Variants in SV2C observed in about 807,000 individuals in gnomAD.
The protein encoded by SV2C is synaptic vesicle glycoprotein 2C.
A neutral mutation model predicts 79.7 loss-of-function variants in SV2C; 49 were observed. The observed-to-expected ratio is 0.61, with a 90% confidence interval of 0.49 to 0.78. The LOEUF (loss-of-function observed/expected upper bound fraction) is 0.78. SV2C is among the 30% of genes least tolerant of loss of function. SV2C has a pLI of 0.00. For synonymous variants in SV2C, 334 were observed against 333.2 expected (o/e 1.00, Z -0.03); for missense variants, 833 against 912.9 (o/e 0.91, Z 1.13).
In SV2C at chr5:76,330,912, A is replaced by T. The variant is rs1369354882; in HGVS notation, c.*5365A>T. ...CGCTCTATTACTTAGGCCGGAGTGC[A>T]GTGGTGCAATCTCGGCTCAATGCAA... On this transcript the variant is annotated 3_prime_UTR_variant, in exon 13 of 13. Transcript: ENST00000502798. The T allele has an allele frequency of 1.3e-5, 2 of 150,530 alleles. No individual in the cohort carries two copies. The highest frequency in any genetic ancestry group is 2.9e-5 in the Non-Finnish European group (2 of 67,918). 9.3% of individuals were successfully genotyped at this position (150,530 alleles called of 1,614,324 possible). A position where few individuals can be genotyped will look rare whatever the true frequency, so the allele number is the denominator to read the frequency against.
the SV2C span, among the ~76,000 whole-genome samples, chr5:75,960,992 G>C: frequency 6.6e-6 from 1 of 151,884 alleles, no homozygotes; most frequent in African/African-American, 2.4e-5. Flanking sequence ...TATGTCTCTT[G>C]GAAGGCCCAC....
In SV2C at chr5:76,296,967, C is replaced by A. The variant is rs192401161; in HGVS notation, c.1502+1025C>A. 5.0e-3 allele frequency among the ~76,000 whole-genome samples: 732 copies of A among 146,504 alleles called. 8 individuals carry two copies. Among genetic ancestry groups the A allele is most frequent in the African/African-American group, 0.019 (704 of 37,618 alleles). ...GTCCTCTGTGATGCCAGGGTGAAAA[C>A]TGACTTTCAAAAGTATTGTTACTCC... On this transcript the variant is annotated intron_variant, in intron 9 of 12. Coordinates refer to ENST00000502798, the MANE Select transcript of SV2C (RefSeq NM_014979.4).
At chr5:75,939,331 C>G in the SV2C span, among the ~76,000 whole-genome samples, 2 of 151,976 alleles carry the variant, frequency 1.3e-5, no homozygotes, top group South Asian at 4.1e-4. Context: ...GTGTAGAGGG[C>G]CACTTTCTTT....
chr5:76,064,658 C>T, the SV2C span, among the ~76,000 whole-genome samples: 1 of 152,052 alleles, frequency 6.6e-6, no homozygotes, highest in African/African-American at 2.4e-5. Flanking sequence ...AGGAAGGGCC[C>T]CATCGTTTTC....
the SV2C span, among the ~76,000 whole-genome samples, chr5:76,013,119 G>A: frequency 1.9e-3 from 294 of 152,222 alleles, 2 homozygotes; most frequent in African/African-American, 6.5e-3. Context: ...GAAATGTAAC[G>A]TAGATTTTTC....
chr5:76,307,971 C>T (rs1193261688), intron 12 of SV2C, among the ~76,000 whole-genome samples: 1 of 152,166 alleles, frequency 6.6e-6, no homozygotes, highest in Non-Finnish European at 1.5e-5. Context: ...CTTATTATGG[C>T]TGCTTTAAAA....
chr5:75,947,973 C>T, the SV2C span, among the ~76,000 whole-genome samples: 1 of 151,848 alleles, frequency 6.6e-6, no homozygotes, highest in East Asian at 1.9e-4. Context: ...AAATGACTGG[C>T]AGATCTATAT....
chr5:76,085,477 C>T (rs1034677538), intron 1 of SV2C, among the ~76,000 whole-genome samples: 3 of 151,864 alleles, frequency 2.0e-5, no homozygotes, highest in Non-Finnish European at 4.4e-5. Context: ...TTTCTACTGG[C>T]TTTACTGAAG....
intron 12 of SV2C, among the ~76,000 whole-genome samples, chr5:76,302,367 G>A (rs1418814716): frequency 1.3e-5 from 2 of 152,178 alleles, no homozygotes; most frequent in Non-Finnish European, 2.9e-5. Context: ...GGACATGCCT[G>A]TAATCCCAGC....
chr5:76,251,385 AAAT>A (rs531925833), intron 4 of SV2C, among the ~76,000 whole-genome samples: 2 of 151,820 alleles, frequency 1.3e-5, no homozygotes, highest in Admixed American at 6.6e-5. Flanking sequence ...TCTACAGAAA[AAAT>A]AATAATAATA....
chr5:76,121,355 A>G (rs1402386903), intron 1 of SV2C, among the ~76,000 whole-genome samples: 1 of 151,880 alleles, frequency 6.6e-6, no homozygotes. Flanking sequence ...TTTCCTGTGC[A>G]GAAGCTCTTT....
chr5:76,339,630 C>T (rs192345701), intron 12 of SV2C, among the ~76,000 whole-genome samples: 4 of 150,628 alleles, frequency 2.7e-5, no homozygotes, highest in African/African-American at 7.3e-5. Flanking sequence ...AGGAGAATGG[C>T]GTGAACCTGG....
At chr5:76,199,425 G>A (rs933452693) in intron 3 of SV2C, among the ~76,000 whole-genome samples, 1 of 152,110 alleles carries the variant, frequency 6.6e-6, no homozygotes, top group African/African-American at 2.4e-5. Flanking sequence ...CTTCTCCCAG[G>A]GCCCTCCCAC....
chr5:75,921,564 C>A, the SV2C span: 1 of 912,724 alleles, frequency 1.1e-6, no homozygotes, highest in South Asian at 1.3e-5. Context: ...GGGTTTGTGT[C>A]ATTGCGGCCC....
chr5:76,254,412 C>G (rs16873285), intron 4 of SV2C, among the ~76,000 whole-genome samples: 1 of 152,022 alleles, frequency 6.6e-6, no homozygotes, highest in African/African-American at 2.4e-5. Context: ...AGAGCCCCAG[C>G]TGGAGTGAGA....
At chr5:76,082,644 CCT>C (rs1491564508), upstream of SV2C, among the ~76,000 whole-genome samples, 16 of 149,766 alleles carry the variant, frequency 1.1e-4, no homozygotes, top group African/African-American at 3.2e-4. Context: ...ACCCCCCCCC[CCT>C]CATATTTGGT....
intron 4 of SV2C, among the ~76,000 whole-genome samples, chr5:76,230,414 G>C (rs1455203823): frequency 6.6e-6 from 1 of 152,146 alleles, no homozygotes; most frequent in Non-Finnish European, 1.5e-5. Flanking sequence ...TGCACCTAAG[G>C]TTGAAAAGAA....
rs1400542621 is a variant in SV2C, at chr5:76,347,062, AAG to A, written c.2001-6065_2001-6064del. Among the ~76,000 whole-genome samples the A allele has an allele frequency of 4.6e-5, 7 of 152,194 alleles. No individual in the cohort carries two copies. In the East Asian group the frequency reaches 9.6e-4, roughly 21 times the overall value. ...TCTCATAAAGAAGTGAGAGGGAAAA[AAG>A]AGGGGGGAAAAACAGAAGTGAAGAA... On this transcript the variant is annotated intron_variant, in intron 12 of 12. Coordinates refer to the SV2C transcript ENST00000322285.
chr5:76,209,540 T>C (rs1744704252), intron 3 of SV2C, among the ~76,000 whole-genome samples, 196 bp from the exon 4 acceptor site: 1 of 152,186 alleles, frequency 6.6e-6, no homozygotes, highest in Non-Finnish European at 1.5e-5. Context: ...GTTCAACTTT[T>C]TGGAGGCATA....
Sources: gnomAD v4.1 joint callset for allele counts (sites outside exome capture counted in the v4.1 genomes callset) on GRCh38, gnomAD v4.1.1 for gene constraint, MANE v1.5 for transcripts, NCBI Gene and HGNC (gene_info 2026-07-23, HGNC 2026-07-21) for gene names.